The following ZNF512 variants were observed in gnomAD, a reference collection of about 807,000 sequenced individuals.
ZNF512 encodes the protein zinc finger protein 512.
Under a neutral mutation model 77.5 loss-of-function variants are expected in ZNF512, and 25 were observed. The ratio of observed to expected loss-of-function variants is 0.32; its 90% CI spans 0.23 to 0.45. The LOEUF is 0.45. Among genes scored for constraint, ZNF512 ranks in the 20% least tolerant of loss-of-function variants. The probability of loss-of-function intolerance (pLI) is 1.00; values close to 1 mark genes in which losing one functional copy is unlikely to be tolerated. For synonymous variants in ZNF512, 246 were observed against 239.9 expected (o/e 1.03, Z -0.24); for missense variants, 483 against 692.6 (o/e 0.70, Z 3.40).
At position 27,594,166 on chromosome 2, in the gene ZNF512, C is replaced by T. The variant is rs186475640; in HGVS notation, c.90-3901C>T. 5.1e-3 allele frequency among the ~76,000 whole-genome samples: 772 copies of T among 151,178 alleles called. 4 individuals are homozygous for T. The highest frequency in any genetic ancestry group is 7.0e-3 in the Admixed American group (106 of 15,210). On this transcript the variant is annotated intron_variant, in intron 2 of 13. Transcript: ENST00000355467. ...AGGGTGGCGGCCGGGCAGAGGCGCT[C>T]CTCACATCCCAGATGGGGCGGCCAG...
At chr2:27,605,476 G>T (rs1672310266) in intron 9 of ZNF512, among the ~76,000 whole-genome samples, 1 of 151,588 alleles carries the variant, frequency 6.6e-6, no homozygotes, top group Non-Finnish European at 1.5e-5. Flanking sequence ...TGAAAAGATT[G>T]TTGTGTTTTG....
At chr2:27,606,543 G>T (rs770079747) in intron 9 of ZNF512, among the ~76,000 whole-genome samples, 9 of 151,856 alleles carry the variant, frequency 5.9e-5, no homozygotes, top group Non-Finnish European at 1.0e-4. Flanking sequence ...TGTATTTTTA[G>T]TGAGATGGGG....
Position 27,603,586 on chromosome 2 carries a change from G to GTGTGTGTGTGTATA in ZNF512, c.936+280_936+281insGTGTGTGTGTATAT, listed in dbSNP as rs140043162. On this transcript the variant is annotated intron_variant, in intron 9 of 13. Transcript: ENST00000355467. ...ATATTTTTATATAGTGTGTGTGTGT[G>GTGTGTGTGTGTATA]TATATTTTTTTTTTTTTTTTTCTTC... Among the ~76,000 whole-genome samples, 11 of 72,486 alleles carry GTGTGTGTGTGTATA rather than the reference G, an allele frequency of 1.5e-4. 1 individual carries two copies. In the South Asian group the frequency reaches 1.9e-3, roughly 13 times the overall value. The allele number at this position is 72,486 out of a possible 152,430, so 47.6% of individuals were successfully genotyped here. A position where few individuals can be genotyped will look rare whatever the true frequency, so the allele number is the denominator to read the frequency against.
rs201292659 is a variant in ZNF512, at chr2:27,598,290, ACTTC to A, written c.277+39_277+42del. 2.0e-3 allele frequency: 3,232 copies of A among 1,580,382 alleles called. 50 individuals are homozygous for A. The African/African-American group carries it at 0.038, about 18-fold the overall frequency. The stretch of plus-strand genomic sequence containing the variant: ...CAGTGTCTTATTCTGAAGACGGGCC[ACTTC>A]CTAAAGTTATAGTTTGAGATTGTTA... On this transcript the variant is annotated intron_variant, in intron 3 of 13. Coordinates refer to ENST00000355467, the MANE Select transcript of ZNF512 (RefSeq NM_032434.4).
In ZNF512 at chr2:27,601,352, C is replaced by A. The variant is rs756171437; in HGVS notation, c.583-4C>A. 1.1e-5 allele frequency: 17 copies of A among 1,611,844 alleles called. No individual in the cohort carries two copies. Among genetic ancestry groups the A allele is most frequent in the Non-Finnish European group, 1.4e-5 (17 of 1,178,390 alleles). On this transcript the variant is annotated splice_region_variant and splice_polypyrimidine_tract_variant and intron_variant, in intron 6 of 13. Coordinates refer to ENST00000355467, the MANE Select transcript of ZNF512 (RefSeq NM_032434.4). The stretch of plus-strand genomic sequence containing the variant: ...CTAGCACTGAGCAGTATTTTTCCTT[C>A]TAGGAAATGTTTACTTGTCATCATT...
In ZNF512 at chr2:27,622,243, A is replaced by T. The variant is rs1673151312; in HGVS notation, c.*782A>T. 6.6e-6 allele frequency: 1 copy of T among 152,398 alleles called. No individual in the cohort carries two copies. Among genetic ancestry groups the T allele is most frequent in the South Asian group, 2.1e-4 (1 of 4,830 alleles). 9.4% of individuals were successfully genotyped at this position (152,398 alleles called of 1,614,324 possible). On this transcript the variant is annotated 3_prime_UTR_variant, in exon 14 of 14. Transcript: ENST00000355467. ...CGAGGCCTCATCCATAGCTATGATC[A>T]CTTGCCCTCTGAAGCTTATTTTTGC...
At chr2:27,605,858 G>A (rs758118195) in intron 9 of ZNF512, among the ~76,000 whole-genome samples, 17 of 152,220 alleles carry the variant, frequency 1.1e-4, no homozygotes, top group Non-Finnish European at 1.8e-4. Flanking sequence ...TATGATTAAT[G>A]TATATTTAAC....
chr2:27,586,676 G>A (rs1426503820), intron 2 of ZNF512, among the ~76,000 whole-genome samples: 1 of 152,162 alleles, frequency 6.6e-6, no homozygotes, highest in African/African-American at 2.4e-5. Flanking sequence ...GGTCAGCTTT[G>A]ACGTATGTCT....
rs552997319 is a variant in ZNF512, at chr2:27,599,527, G to C, written c.278-56G>C. ...GAATGATGTTTTGAAGACAGGCCTA[G>C]ATGTTCATTTACAAAGTGTGCTGAG... On this transcript the variant is annotated intron_variant, in intron 3 of 13. Coordinates refer to ENST00000355467, the MANE Select transcript of ZNF512 (RefSeq NM_032434.4). 108 of 1,297,930 alleles carry C rather than the reference G, an allele frequency of 8.3e-5. No individual in the cohort carries two copies. The South Asian group carries it at 1.2e-3, about 14-fold the overall frequency. The allele number at this position is 1,297,930 out of a possible 1,614,324, so 80.4% of individuals were successfully genotyped here.
chr2:27,615,320 C>G, intron 11 of ZNF512, 51 bp downstream of exon 11: 1 of 1,215,606 alleles, frequency 8.2e-7, no homozygotes. Context: ...AGCATCTGCT[C>G]TTGCTTCTGT....
At chr2:27,584,476 G>C (rs1457590328) in intron 2 of ZNF512, among the ~76,000 whole-genome samples, 1 of 152,218 alleles carries the variant, frequency 6.6e-6, no homozygotes, top group African/African-American at 2.4e-5. Flanking sequence ...CATGTTTGCT[G>C]TGCGCCAGTT....
At chr2:27,620,357 C>A (rs1375867862) in intron 13 of ZNF512, among the ~76,000 whole-genome samples, 1 of 152,188 alleles carries the variant, frequency 6.6e-6, no homozygotes, top group Non-Finnish European at 1.5e-5. Context: ...GCTTCCTCTT[C>A]TTTTTTACAA....
chr2:27,606,754 G>A (rs190535307), intron 9 of ZNF512, among the ~76,000 whole-genome samples: 1 of 152,308 alleles, frequency 6.6e-6, no homozygotes, highest in Admixed American at 6.5e-5. Context: ...CTTTAGGTCA[G>A]AAATCCAGTT....
At chr2:27,599,526 A>T in intron 3 of ZNF512, 57 bp from the exon 4 acceptor site, 1 of 1,280,856 alleles carries the variant, frequency 7.8e-7, no homozygotes, top group Non-Finnish European at 1.1e-6. Context: ...AGACAGGCCT[A>T]GATGTTCATT....
At chr2:27,621,115 AT>A in intron 13 of ZNF512, 37 bp from the exon 14 acceptor site, 1 of 1,592,276 alleles carries the variant, frequency 6.3e-7, no homozygotes, top group South Asian at 1.1e-5. Context: ...TCTTCACTAT[AT>A]TTTCGACTGG....
intron 2 of ZNF512, among the ~76,000 whole-genome samples, chr2:27,591,735 G>T (rs1671593603): frequency 1.3e-5 from 2 of 152,220 alleles, no homozygotes; most frequent in Non-Finnish European, 2.9e-5. Context: ...TAGAGACAAG[G>T]TCTTGCTATG....
chr2:27,610,173 G>A (rs943218415), intron 10 of ZNF512, among the ~76,000 whole-genome samples: 2 of 151,562 alleles, frequency 1.3e-5, no homozygotes, highest in African/African-American at 4.8e-5. Context: ...GACCATCCTG[G>A]CTACCACAGT....
chr2:27,598,276 T>G, intron 3 of ZNF512, 22 bp downstream of exon 3: 1 of 1,596,238 alleles, frequency 6.3e-7, no homozygotes, highest in Non-Finnish European at 8.6e-7. Flanking sequence ...AGTGTCTTAT[T>G]CTGAAGACGG....
chr2:27,593,461 AAC>A (rs1211347881), intron 2 of ZNF512, among the ~76,000 whole-genome samples: 1 of 151,920 alleles, frequency 6.6e-6, no homozygotes, highest in Non-Finnish European at 1.5e-5. Flanking sequence ...TCTATGAAAA[AAC>A]ACAAAAATTT....
Sources: gnomAD v4.1 joint callset for allele counts (sites outside exome capture counted in the v4.1 genomes callset) on GRCh38, gnomAD v4.1.1 for gene constraint, MANE v1.5 for transcripts, NCBI Gene and HGNC (gene_info 2026-07-23, HGNC 2026-07-21) for gene names.